The following DLG2 variants were observed in gnomAD, a reference collection of about 807,000 sequenced individuals.
DLG2 encodes the protein disks large homolog 2.
Under a neutral mutation model 132.5 loss-of-function variants are expected in DLG2, and 45 were observed. That is an observed-to-expected ratio of 0.34 (90% confidence interval 0.27 to 0.44). The LOEUF (loss-of-function observed/expected upper bound fraction) is 0.44. DLG2 is among the 20% of genes least tolerant of loss of function. The pLI, the probability that DLG2 is intolerant of heterozygous loss-of-function variation, is 1.00. For missense variants in DLG2, 1,045 were observed against 1,196.9 expected (o/e 0.87, Z 1.87); for synonymous variants, 424 against 419.6 (o/e 1.01, Z -0.13).
chr11:84,156,595 G>T (rs2095434066), intron 9 of DLG2, among the ~76,000 whole-genome samples: 1 of 152,116 alleles, frequency 6.6e-6, no homozygotes, highest in Admixed American at 6.5e-5. Context: ...ACAAGTTAGG[G>T]ATTCTTTTTG....
At chr11:85,344,061 TA>T (rs1417918497) in intron 3 of DLG2, among the ~76,000 whole-genome samples, 2 of 152,216 alleles carry the variant, frequency 1.3e-5, no homozygotes, top group Non-Finnish European at 2.9e-5. Flanking sequence ...GCACCCAAAA[TA>T]ATCATCTTGA....
chr11:84,247,064 C>A (rs1220341404), intron 8 of DLG2, among the ~76,000 whole-genome samples: 1 of 152,040 alleles, frequency 6.6e-6, no homozygotes, highest in African/African-American at 2.4e-5. Context: ...GTATACCTCT[C>A]TCAACAGTGC....
intron 3 of DLG2, among the ~76,000 whole-genome samples, chr11:85,594,801 T>C (rs1312868702): frequency 6.6e-6 from 1 of 151,958 alleles, no homozygotes; most frequent in Non-Finnish European, 1.5e-5. Flanking sequence ...GGCACGGTGG[T>C]GCATGCCTGT....
At chr11:84,856,592 T>G (rs1385185932) in intron 6 of DLG2, among the ~76,000 whole-genome samples, 1 of 152,112 alleles carries the variant, frequency 6.6e-6, no homozygotes, top group Non-Finnish European at 1.5e-5. Flanking sequence ...TCTAAGCTAT[T>G]ATCCTTCTTT....
intron 15 of DLG2, among the ~76,000 whole-genome samples, chr11:83,884,027 G>T (rs1382349086): frequency 2.0e-5 from 3 of 151,584 alleles, no homozygotes; most frequent in African/African-American, 7.3e-5. Flanking sequence ...CAGAAGACGG[G>T]TGATTTCTGC....
chr11:85,342,934 T>TA (rs1256124964), intron 3 of DLG2, among the ~76,000 whole-genome samples: 2 of 151,836 alleles, frequency 1.3e-5, no homozygotes, highest in African/African-American at 4.8e-5. Flanking sequence ...TACTAACACA[T>TA]ATGTATCTAA....
Position 84,402,881 on chromosome 11 carries a change from C to CA in DLG2, c.519+131688dup, listed in dbSNP as rs34476380. ...TGGGCGACAGAGCGAAACTCCGTCT[C>CA]AAAAAAAAAAAAAAAAAAAATTAAC... On this transcript the variant is annotated intron_variant, in intron 7 of 27. Transcript: ENST00000376104. 0.028 allele frequency among the ~76,000 whole-genome samples: 2,097 copies of CA among 73,848 alleles called. 300 individuals are homozygous for CA. The East Asian group carries it at 0.32, about 11-fold the overall frequency. The allele number at this position is 73,848 out of a possible 152,430, so 48.4% of individuals were successfully genotyped here.
At chr11:84,511,867 G>T (rs1438232187) in intron 7 of DLG2, among the ~76,000 whole-genome samples, 2 of 152,094 alleles carry the variant, frequency 1.3e-5, no homozygotes, top group Non-Finnish European at 2.9e-5. Flanking sequence ...TTAGAATGTA[G>T]ATTTAAAACA....
chr11:85,508,204 T>A (rs1276505551), intron 3 of DLG2, among the ~76,000 whole-genome samples: 1 of 152,134 alleles, frequency 6.6e-6, no homozygotes, highest in East Asian at 1.9e-4. Flanking sequence ...GAAGCTTACT[T>A]ATGTCAACTC....
At chr11:84,729,090 G>A (rs1276742874) in intron 6 of DLG2, among the ~76,000 whole-genome samples, 2 of 152,004 alleles carry the variant, frequency 1.3e-5, no homozygotes, top group African/African-American at 4.8e-5. Context: ...ATCTCCTTCA[G>A]TTCTGCTCTG....
At chr11:83,901,422 TC>T (rs2073396619) in intron 15 of DLG2, among the ~76,000 whole-genome samples, 2 of 152,058 alleles carry the variant, frequency 1.3e-5, no homozygotes, top group African/African-American at 4.8e-5. Context: ...TGTGGGAGGG[TC>T]CCAGTGGAAG....
chr11:84,076,686 T>TC (rs2096834738), intron 10 of DLG2, among the ~76,000 whole-genome samples: 2 of 152,146 alleles, frequency 1.3e-5, no homozygotes, highest in South Asian at 4.1e-4. Flanking sequence ...CACTGCCCCT[T>TC]CCAGAAGTTA....
chr11:84,250,163 G>A (rs2097353278), intron 8 of DLG2, among the ~76,000 whole-genome samples: 1 of 152,194 alleles, frequency 6.6e-6, no homozygotes, highest in South Asian at 2.1e-4. Flanking sequence ...TTTAGAAATT[G>A]CAAACATGTA....
intron 8 of DLG2, among the ~76,000 whole-genome samples, chr11:84,165,870 C>T (rs1481209641): frequency 6.6e-6 from 1 of 152,214 alleles, no homozygotes; most frequent in East Asian, 1.9e-4. Context: ...TACACTCCAG[C>T]CTGGGTGAAA....
intron 9 of DLG2, among the ~76,000 whole-genome samples, chr11:84,156,528 C>G (rs1204279548): frequency 6.6e-6 from 1 of 152,166 alleles, no homozygotes; most frequent in Non-Finnish European, 1.5e-5. Flanking sequence ...ATTTGGAGTG[C>G]TCTCCCAACA....
intron 6 of DLG2, among the ~76,000 whole-genome samples, chr11:84,834,423 C>T (rs552753840): frequency 6.6e-6 from 1 of 151,680 alleles, no homozygotes; most frequent in Admixed American, 6.6e-5. Context: ...ATCCTCTTCC[C>T]TAATGTTAAA....
At chr11:84,920,856 A>G (rs1414721240) in intron 6 of DLG2, among the ~76,000 whole-genome samples, 1 of 152,176 alleles carries the variant, frequency 6.6e-6, no homozygotes, top group Non-Finnish European at 1.5e-5. Context: ...AGTTTATTCT[A>G]GAATAAAAGA....
intron 8 of DLG2, among the ~76,000 whole-genome samples, chr11:84,249,823 G>C (rs2097348869): frequency 6.6e-6 from 1 of 152,152 alleles, no homozygotes; most frequent in African/African-American, 2.4e-5. Flanking sequence ...AACTATTCTT[G>C]TTCAGAAAGA....
intron 17 of DLG2, among the ~76,000 whole-genome samples, chr11:83,801,927 T>C (rs2044504103): frequency 6.6e-6 from 1 of 152,196 alleles, no homozygotes; most frequent in African/African-American, 2.4e-5. Flanking sequence ...TTAAAATTTA[T>C]TTGACAACCA....
Sources: gnomAD v4.1 joint callset for allele counts (sites outside exome capture counted in the v4.1 genomes callset) on GRCh38, gnomAD v4.1.1 for gene constraint, MANE v1.5 for transcripts, NCBI Gene and HGNC (gene_info 2026-07-23, HGNC 2026-07-21) for gene names.